PCDHA1: variants seen among roughly 807,000 people sequenced by gnomAD.
The protein encoded by PCDHA1 is protocadherin alpha-1.
PCDHA1 carries 42 observed loss-of-function variants against 61.3 expected under a neutral mutation model. The observed-to-expected ratio is 0.69, with a 90% CI of 0.54 to 0.89. The LOEUF (loss-of-function observed/expected upper bound fraction) is 0.89. Ranked by LOEUF, PCDHA1 falls within the 40% of genes least tolerant of loss-of-function variation. The probability of loss-of-function intolerance (pLI) is 0.00; values close to 1 mark genes in which losing one functional copy is unlikely to be tolerated. For synonymous variants in PCDHA1, 610 were observed against 553.8 expected (o/e 1.10, Z -1.43); for missense variants, 1,256 against 1,235.3 (o/e 1.02, Z -0.25).
At chr5:140,886,827 GAAAA>G (rs782016620) in intron 1 of PCDHA1, among the ~76,000 whole-genome samples, 16 of 60,888 alleles carry the variant, frequency 2.6e-4, no homozygotes, top group Non-Finnish European at 3.3e-4. Flanking sequence ...ACTTCGTCTT[GAAAA>G]AAAAAAAAAA....
At chr5:140,857,099 G>T in intron 1 of PCDHA1, 1 of 1,597,354 alleles carries the variant, frequency 6.3e-7, no homozygotes, top group Non-Finnish European at 8.6e-7. Context: ...TGAGGTGATT[G>T]TCACTTCTCT....
intron 1 of PCDHA1, chr5:140,928,403 G>A (rs1554205862): frequency 6.2e-7 from 1 of 1,613,964 alleles, no homozygotes; most frequent in Non-Finnish European, 8.5e-7. Context: ...GAATCATCCA[G>A]TGGGGCCATC....
At chr5:140,802,066 T>C (rs2149956294) in intron 1 of PCDHA1, 2 of 1,614,186 alleles carry the variant, frequency 1.2e-6, no homozygotes, top group Middle Eastern at 1.6e-4. Flanking sequence ...GCAGATATTC[T>C]GTCAAAATTC....
intron 1 of PCDHA1, chr5:140,858,272 G>A: frequency 6.3e-7 from 1 of 1,597,346 alleles, no homozygotes; most frequent in Non-Finnish European, 8.6e-7. Flanking sequence ...GTGCTCTAGC[G>A]CGGTGGGGAG....
In PCDHA1 at chr5:140,788,533, G is replaced by A. The variant is rs1554118284; in HGVS notation, c.2243G>A (p.Trp748Ter). ...TLVCSSALGS[W>*]SNSQQRRQRV... ...GTGTGCTCCAGCGCGTTGGGGAGCT[G>A]GTCGAACTCACAGCAGAGGCGGCAG... Residue 748 changes from tryptophan (W) to a stop codon, truncating the protein, a stop_gained, in exon 1 of 4, where the codon TGG becomes TAG. Coordinates refer to ENST00000504120, the MANE Select transcript of PCDHA1 (RefSeq NM_018900.4). LOFTEE classifies it high-confidence loss of function. The A allele has an allele frequency of 6.2e-7, 1 of 1,614,088 alleles. No homozygotes were observed. The highest frequency in any genetic ancestry group is 1.7e-5 in the Admixed American group (1 of 60,032).
In PCDHA1 at chr5:140,987,930, G is replaced by T. The variant is rs554856826; in HGVS notation, c.2542+5367G>T. Among the ~76,000 whole-genome samples, 18 of 152,196 alleles carry T rather than the reference G, an allele frequency of 1.2e-4. No individual in the cohort carries two copies. The South Asian group carries it at 2.1e-3, about 18-fold the overall frequency. Reference sequence around the variant, plus strand: ...GATTTATATTCTTAATTGTCTCAAGGATTCTTACCTGTCTGACAAAACCAA... The same window carrying T: ...GATTTATATTCTTAATTGTCTCAAGTATTCTTACCTGTCTGACAAAACCAA... On this transcript the variant is annotated intron_variant, in intron 3 of 3. Transcript: ENST00000504120.
At chr5:140,959,568 T>A (rs1333268160) in intron 1 of PCDHA1, among the ~76,000 whole-genome samples, 1 of 152,208 alleles carries the variant, frequency 6.6e-6, no homozygotes, top group African/African-American at 2.4e-5. Flanking sequence ...GTACTAGATT[T>A]TTTGTTTCAA....
Position 140,883,733 on chromosome 5 carries a change from C to T in PCDHA1, c.2394+95049C>T, listed in dbSNP as rs1554179634. 2.5e-6 allele frequency: 4 copies of T among 1,613,458 alleles called. No individual in the cohort carries two copies. In the East Asian group the frequency reaches 6.7e-5, roughly 27 times the overall value. On this transcript the variant is annotated intron_variant, in intron 1 of 3. Coordinates refer to ENST00000504120, the MANE Select transcript of PCDHA1 (RefSeq NM_018900.4). ...GGACGCGGACGCACAGGAGAACGCG[C>T]TGGTCTCCTACTCGCTGGTGGAGCG...
At chr5:140,956,930 A>G (rs2153711573) in intron 1 of PCDHA1, among the ~76,000 whole-genome samples, 1 of 151,954 alleles carries the variant, frequency 6.6e-6, no homozygotes, top group East Asian at 1.9e-4. Flanking sequence ...TGCTGGATAT[A>G]GGATAAAATT....
intron 1 of PCDHA1, chr5:140,882,828 A>T: frequency 6.2e-7 from 1 of 1,614,226 alleles, no homozygotes; most frequent in Non-Finnish European, 8.5e-7. Context: ...AACAGTCTTG[A>T]GCAAATGTCT....
intron 1 of PCDHA1, chr5:140,836,231 C>G (rs2150256029): frequency 2.5e-6 from 4 of 1,613,626 alleles, no homozygotes; most frequent in Admixed American, 1.7e-5. Flanking sequence ...CGGTGGCGGC[C>G]GGTGCGAGCA....
At chr5:140,834,216 C>G in intron 1 of PCDHA1, 1 of 658,062 alleles carries the variant, frequency 1.5e-6, no homozygotes, top group East Asian at 2.7e-5. Flanking sequence ...CTTTCGTAAT[C>G]AGCAAAAGGA....
At chr5:141,000,430 T>A (rs1295455270) in intron 3 of PCDHA1, among the ~76,000 whole-genome samples, 2 of 126,420 alleles carry the variant, frequency 1.6e-5, no homozygotes, top group African/African-American at 6.1e-5. Context: ...TATTTTTTTT[T>A]TTTTTTTTTT....
chr5:140,904,552 T>C (rs1233525886), intron 1 of PCDHA1, among the ~76,000 whole-genome samples: 1 of 152,084 alleles, frequency 6.6e-6, no homozygotes, highest in Non-Finnish European at 1.5e-5. Flanking sequence ...TTTCATATAA[T>C]GACTTTTTTT....
intron 1 of PCDHA1, chr5:140,968,020 C>T: frequency 1.2e-6 from 2 of 1,614,202 alleles, no homozygotes; most frequent in Non-Finnish European, 1.7e-6. Flanking sequence ...TTGGAAACTC[C>T]TATACACTGG....
rs2150120383 is a variant in PCDHA1, at chr5:140,822,919, G to C, written c.2394+34235G>C. ...GTCTGACCGTGACTCAGGTGCCAACGGGCAGGTGACCTGCTCCCTAATGCC... is the reference window on the plus strand; with the variant it reads ...GTCTGACCGTGACTCAGGTGCCAACCGGCAGGTGACCTGCTCCCTAATGCC... On this transcript the variant is annotated intron_variant, in intron 1 of 3. Transcript: ENST00000504120. 6 of 1,614,230 alleles carry C rather than the reference G, an allele frequency of 3.7e-6. No homozygotes were observed. In the South Asian group the frequency reaches 4.4e-5, roughly 12 times the overall value.
intron 1 of PCDHA1, among the ~76,000 whole-genome samples, chr5:140,886,245 A>G (rs1241977297): frequency 6.6e-6 from 1 of 152,046 alleles, no homozygotes; most frequent in Non-Finnish European, 1.5e-5. Context: ...GAAATAAATA[A>G]AAGTATCTCT....
chr5:140,849,786 G>A, intron 1 of PCDHA1: 3 of 1,598,490 alleles, frequency 1.9e-6, no homozygotes, highest in African/African-American at 1.3e-5. Context: ...GCGGGACGGG[G>A]GCTCGCCTTC....
At chr5:140,923,910 C>T (rs1280601799) in intron 1 of PCDHA1, among the ~76,000 whole-genome samples, 5 of 152,156 alleles carry the variant, frequency 3.3e-5, no homozygotes, top group African/African-American at 1.2e-4. Flanking sequence ...GTGAAGATTT[C>T]CCATACTGTT....
Sources: gnomAD v4.1 joint callset for allele counts (sites outside exome capture counted in the v4.1 genomes callset) on GRCh38, gnomAD v4.1.1 for gene constraint, MANE v1.5 for transcripts, NCBI Gene and HGNC (gene_info 2026-07-23, HGNC 2026-07-21) for gene names.